Variants in GALNT17 observed in about 807,000 individuals in gnomAD.
GALNT17 encodes UDP-GalNAc:polypeptide N-acetylgalactosaminyltransferase-like 3.
A neutral mutation model predicts 63.7 loss-of-function variants in GALNT17; 29 were observed. That is an observed-to-expected ratio of 0.46 (90% confidence interval 0.34 to 0.62). GALNT17 has a LOEUF of 0.62. Among genes scored for constraint, GALNT17 ranks in the 20% least tolerant of loss-of-function variants. The pLI, the probability that GALNT17 is intolerant of heterozygous loss-of-function variation, is 0.01. For synonymous variants in GALNT17, 305 were observed against 318.3 expected (o/e 0.96, Z 0.45); for missense variants, 603 against 799.6 (o/e 0.75, Z 2.97).
At chr7:71,222,848 G>A (rs764885662) in intron 1 of GALNT17, among the ~76,000 whole-genome samples, 1 of 152,088 alleles carries the variant, frequency 6.6e-6, no homozygotes, top group Non-Finnish European at 1.5e-5. Context: ...AGTTGGGAGG[G>A]TCACTTGAGG....
At chr7:71,670,885 T>TGC in intron 8 of GALNT17, among the ~76,000 whole-genome samples, 1 of 73,072 alleles carries the variant, frequency 1.4e-5, no homozygotes, top group Middle Eastern at 7.1e-3. Flanking sequence ...CCGGACTGTG[T>TGC]GTGTGTGTGT....
At chr7:71,286,022 C>T (rs76973476) in intron 1 of GALNT17, among the ~76,000 whole-genome samples, 2,404 of 152,266 alleles carry the variant, frequency 0.016, 39 homozygotes, top group Non-Finnish European at 0.024. Context: ...TTCCGCAAAG[C>T]CAAATCCTGA....
rs34121771 is a variant in GALNT17 at position 71,141,840 on chromosome 7, CTGTGTGTGTGTG to C, written c.238+8828_238+8839del. On this transcript the variant is annotated intron_variant, in intron 1 of 10. Coordinates refer to ENST00000333538, the MANE Select transcript of GALNT17 (RefSeq NM_022479.3). ...TACAGGTATGCGCCACCACGTCTGG[CTGTGTGTGTGTG>C]TGTGTGTGTGTGTGTGTGTGTGTGT... Among the ~76,000 whole-genome samples the C allele has an allele frequency of 3.5e-4, 44 of 125,118 alleles. No homozygotes were observed. The East Asian group carries it at 4.9e-3, about 14-fold the overall frequency. 82.1% of individuals were successfully genotyped at this position (125,118 alleles called of 152,430 possible).
intron 1 of GALNT17, among the ~76,000 whole-genome samples, chr7:71,281,768 A>G (rs181130089): frequency 6.6e-6 from 1 of 152,350 alleles, no homozygotes; most frequent in East Asian, 1.9e-4. Flanking sequence ...ATTTCCAGAT[A>G]TCAGAAAAAT....
chr7:71,144,292 A>G (rs1562859164), intron 1 of GALNT17, among the ~76,000 whole-genome samples: 1 of 151,770 alleles, frequency 6.6e-6, no homozygotes, highest in Non-Finnish European at 1.5e-5. Context: ...TCCACCAGCA[A>G]CCCCCGAGGG....
intron 6 of GALNT17, among the ~76,000 whole-genome samples, chr7:71,598,395 A>T (rs1789918935): frequency 2.0e-5 from 3 of 152,202 alleles, no homozygotes; most frequent in Non-Finnish European, 4.4e-5. Flanking sequence ...TGCAGTTGAC[A>T]ATGGGTCATC....
At chr7:71,432,163 A>G (rs573678305) in intron 5 of GALNT17, among the ~76,000 whole-genome samples, 1 of 152,176 alleles carries the variant, frequency 6.6e-6, no homozygotes, top group South Asian at 2.1e-4. Context: ...CAACAGAGCA[A>G]GACTCCGTCT....
chr7:71,145,983 G>A (rs1041132676), intron 1 of GALNT17, among the ~76,000 whole-genome samples: 3 of 152,112 alleles, frequency 2.0e-5, no homozygotes, highest in African/African-American at 7.2e-5. Context: ...TGGGATTACA[G>A]GCGCGAGCCA....
intron 1 of GALNT17, among the ~76,000 whole-genome samples, chr7:71,234,170 C>T (rs544409795): frequency 2.0e-5 from 3 of 152,274 alleles, no homozygotes; most frequent in Middle Eastern, 3.4e-3. Flanking sequence ...CACAACCAAC[C>T]AGGCTACAAT....
At chr7:71,267,371 T>G (rs935425583) in intron 1 of GALNT17, among the ~76,000 whole-genome samples, 3 of 150,926 alleles carry the variant, frequency 2.0e-5, no homozygotes, top group African/African-American at 2.4e-5. Flanking sequence ...TTTCTAGTTT[T>G]TTTTTTTTTT....
chr7:71,501,946 A>G (rs529631559), intron 5 of GALNT17, among the ~76,000 whole-genome samples: 146 of 152,076 alleles, frequency 9.6e-4, no homozygotes, highest in Admixed American at 1.4e-3. Flanking sequence ...TCACTAGAGA[A>G]GCCCTGTCTC....
intron 6 of GALNT17, among the ~76,000 whole-genome samples, chr7:71,619,149 G>A (rs1790257405): frequency 6.6e-6 from 1 of 152,036 alleles, no homozygotes; most frequent in Non-Finnish European, 1.5e-5. Flanking sequence ...CATGTTTTCT[G>A]TTCTGCTCAT....
chr7:71,702,477 A>G (rs1021550061), intron 9 of GALNT17, among the ~76,000 whole-genome samples: 2 of 152,124 alleles, frequency 1.3e-5, no homozygotes, highest in Non-Finnish European at 2.9e-5. Flanking sequence ...AAGTTCTGGA[A>G]GCTCAGAAAG....
At chr7:71,355,047 C>G (rs1792259428) in intron 2 of GALNT17, among the ~76,000 whole-genome samples, 1 of 152,018 alleles carries the variant, frequency 6.6e-6, no homozygotes, top group South Asian at 2.1e-4. Context: ...TTATTTCCCC[C>G]TTTGGTTTCT....
intron 1 of GALNT17, among the ~76,000 whole-genome samples, chr7:71,177,163 C>G (rs1035715583): frequency 2.0e-5 from 3 of 152,056 alleles, no homozygotes; most frequent in Non-Finnish European, 2.9e-5. Context: ...CTCATATGTT[C>G]GAGGACATTT....
chr7:71,561,905 A>G (rs1173355797), intron 5 of GALNT17, among the ~76,000 whole-genome samples: 1 of 151,820 alleles, frequency 6.6e-6, no homozygotes, highest in Non-Finnish European at 1.5e-5. Flanking sequence ...CATTCTGGAG[A>G]TAGACACTCC....
At chr7:71,696,959 A>G (rs1409863576) in intron 9 of GALNT17, among the ~76,000 whole-genome samples, 1 of 152,202 alleles carries the variant, frequency 6.6e-6, no homozygotes, top group Non-Finnish European at 1.5e-5. Context: ...GAGATTATGT[A>G]AGTTGGAAGA....
chr7:71,313,367 C>T (rs531965234), intron 1 of GALNT17, among the ~76,000 whole-genome samples: 1 of 152,242 alleles, frequency 6.6e-6, no homozygotes, highest in Admixed American at 6.5e-5. Context: ...ATCTTCATAC[C>T]TTTTTCCTCC....
At chr7:71,357,094 T>C (rs1408266336) in intron 2 of GALNT17, among the ~76,000 whole-genome samples, 1 of 151,524 alleles carries the variant, frequency 6.6e-6, no homozygotes, top group Non-Finnish European at 1.5e-5. Context: ...CCAGTGGGAG[T>C]GTTTTTTGTG....
Sources: allele counts gnomAD v4.1 joint callset (sites outside exome capture counted in the v4.1 genomes callset), GRCh38; gene constraint gnomAD v4.1.1; transcripts MANE v1.5; gene names NCBI Gene and HGNC (gene_info 2026-07-23, HGNC 2026-07-21).